Variants in RABEP1 observed in about 807,000 individuals in gnomAD.
RABEP1 encodes rab GTPase-binding effector protein 1.
In RABEP1, 51 loss-of-function variants were observed where a neutral mutation model predicts 123.4. That is an observed-to-expected ratio of 0.41 (90% confidence interval 0.33 to 0.52). RABEP1 has a LOEUF of 0.52. Ranked by LOEUF, RABEP1 falls within the 20% of genes least tolerant of loss-of-function variation. The probability of loss-of-function intolerance (pLI) is 0.16; values close to 1 mark genes in which losing one functional copy is unlikely to be tolerated. For missense variants in RABEP1, 888 were observed against 996.3 expected, an observed-to-expected ratio of 0.89 and a Z score of 1.46; for synonymous variants, 347 against 355.2, an observed-to-expected ratio of 0.98 and a Z score of 0.26.
At chr17:5,382,299 C>T (rs978230750) in intron 17 of RABEP1, among the ~76,000 whole-genome samples, 3 of 150,204 alleles carry the variant, frequency 2.0e-5, no homozygotes, top group African/African-American at 7.3e-5. Context: ...TCAGGCTGGT[C>T]TCAAACTCCT....
intron 2 of RABEP1, among the ~76,000 whole-genome samples, chr17:5,320,440 A>AG (rs2075343355): frequency 9.7e-6 from 1 of 103,252 alleles, no homozygotes; most frequent in Admixed American, 8.5e-5. Flanking sequence ...AAAAAAAAAA[A>AG]AAAAGAAAAA....
chr17:5,295,849 C>A (rs1458809545), intron 1 of RABEP1, among the ~76,000 whole-genome samples: 1 of 152,156 alleles, frequency 6.6e-6, no homozygotes, highest in East Asian at 1.9e-4. Flanking sequence ...TTTGCCACAT[C>A]ATTATTTTTT....
At chr17:5,347,659 T>C (rs1283054410) in intron 6 of RABEP1, among the ~76,000 whole-genome samples, 1 of 152,214 alleles carries the variant, frequency 6.6e-6, no homozygotes, top group African/African-American at 2.4e-5. Context: ...AGCTCAGTGA[T>C]ACAGAAATTG....
At chr17:5,341,356 CAG>C (rs897763738) in intron 5 of RABEP1, among the ~76,000 whole-genome samples, 4 of 152,016 alleles carry the variant, frequency 2.6e-5, no homozygotes, top group African/African-American at 9.7e-5. Context: ...AATTTGAAAA[CAG>C]ATGAAAAAAT....
At chr17:5,367,510 C>A (rs1002984240) in intron 11 of RABEP1, among the ~76,000 whole-genome samples, 1 of 151,580 alleles carries the variant, frequency 6.6e-6, no homozygotes, top group African/African-American at 2.4e-5. Flanking sequence ...ACTTTGTGAT[C>A]CATCCGCCTC....
intron 8 of RABEP1, among the ~76,000 whole-genome samples, chr17:5,358,078 T>C (rs958884030): frequency 1.3e-5 from 2 of 152,108 alleles, no homozygotes; most frequent in Non-Finnish European, 2.9e-5. Context: ...GAATGGTTTG[T>C]GTGTGAAAGG....
chr17:5,346,732 G>A, intron 5 of RABEP1, 58 bp from the exon 6 acceptor site: 1 of 1,371,214 alleles, frequency 7.3e-7, no homozygotes, highest in Non-Finnish European at 9.6e-7. Context: ...CCATCATTCT[G>A]TATCTAAGAT....
chr17:5,318,484 T>C (rs1225054139), intron 2 of RABEP1, among the ~76,000 whole-genome samples: 3 of 152,182 alleles, frequency 2.0e-5, no homozygotes, highest in Admixed American at 2.0e-4. Flanking sequence ...GAGACTGTAC[T>C]CTAGGTCCCA....
intron 13 of RABEP1, 86 bp from the exon 14 acceptor site, chr17:5,377,030 C>A (rs1330539312): frequency 2.2e-5 from 30 of 1,375,408 alleles, no homozygotes; most frequent in Non-Finnish European, 3.0e-5. Context: ...AAAACAACAT[C>A]TGAGATTCTG....
chr17:5,318,185 C>T (rs1174125623), intron 2 of RABEP1, among the ~76,000 whole-genome samples: 1 of 152,090 alleles, frequency 6.6e-6, no homozygotes, highest in Non-Finnish European at 1.5e-5. Context: ...GTGAGAAACA[C>T]AGGTAAAATA....
At chr17:5,357,944 C>T (rs1480773175) in intron 8 of RABEP1, among the ~76,000 whole-genome samples, 2 of 152,066 alleles carry the variant, frequency 1.3e-5, no homozygotes, top group Non-Finnish European at 2.9e-5. Context: ...TTCCAGCAGC[C>T]TTTGGGGTAT....
intron 3 of RABEP1, among the ~76,000 whole-genome samples, chr17:5,332,677 G>GTA (rs778627464): frequency 7.5e-4 from 104 of 139,470 alleles, no homozygotes; most frequent in Middle Eastern, 4.1e-3. Context: ...TCAGCTCACT[G>GTA]TACTCGCTGC....
intron 5 of RABEP1, among the ~76,000 whole-genome samples, chr17:5,345,350 C>T (rs552235125): frequency 6.6e-5 from 10 of 152,132 alleles, no homozygotes; most frequent in Non-Finnish European, 1.3e-4. Context: ...CTCCTTGTCA[C>T]CTGGCTTTTT....
rs139457480 is a variant in RABEP1 at position 5,301,415 on chromosome 17, T to A, written c.35-7279T>A. On this transcript the variant is annotated intron_variant, in intron 1 of 17. Transcript: ENST00000537505. ...CTCATAAAATGGAAATTTCTTTAAATGTAAGAAGACTATGCAAAGGATTGA... is the reference window on the plus strand; with the variant it reads ...CTCATAAAATGGAAATTTCTTTAAAAGTAAGAAGACTATGCAAAGGATTGA... 2.4e-4 allele frequency among the ~76,000 whole-genome samples: 36 copies of A among 152,284 alleles called. No individual in the cohort carries two copies. In the East Asian group the frequency reaches 6.6e-3, roughly 28 times the overall value.
chr17:5,326,197 T>G (rs940462994), intron 2 of RABEP1, among the ~76,000 whole-genome samples: 2 of 152,226 alleles, frequency 1.3e-5, no homozygotes, highest in Non-Finnish European at 2.9e-5. Flanking sequence ...ACAAATATAT[T>G]TATAACAGCT....
rs912769856 is a variant in RABEP1, at chr17:5,385,776, GAA to G, written c.*2555_*2556del. On this transcript the variant is annotated 3_prime_UTR_variant, in exon 18 of 18. Transcript: ENST00000537505. Reference sequence around the variant, plus strand: ...TGTACTGAAGGTGTGTCCTCAAGAAGAAAGTGTTCAAATTAAAAAAGCTGCTG... The same window carrying G: ...TGTACTGAAGGTGTGTCCTCAAGAAGAGTGTTCAAATTAAAAAAGCTGCTG... The G allele has an allele frequency of 2.5e-4, 58 of 234,852 alleles. No homozygotes were observed. The highest frequency in any genetic ancestry group is 1.2e-3 in the African/African-American group (53 of 45,498). The allele number at this position is 234,852 out of a possible 1,614,324, so 14.5% of individuals were successfully genotyped here.
intron 8 of RABEP1, 94 bp downstream of exon 8, chr17:5,354,584 G>T: frequency 8.4e-7 from 1 of 1,190,776 alleles, no homozygotes; most frequent in East Asian, 2.6e-5. Flanking sequence ...CATATGAGAA[G>T]TGAGAAGTGC....
chr17:5,326,644 G>C (rs1401272594), intron 2 of RABEP1, among the ~76,000 whole-genome samples: 2 of 152,164 alleles, frequency 1.3e-5, no homozygotes, highest in African/African-American at 4.8e-5. Flanking sequence ...AGTGGGTGAT[G>C]ATAGTGTGCC....
intron 1 of RABEP1, among the ~76,000 whole-genome samples, chr17:5,287,681 A>T (rs1228261398): frequency 6.8e-6 from 1 of 146,654 alleles, no homozygotes; most frequent in Non-Finnish European, 1.5e-5. Context: ...ACACTTTGGG[A>T]GGCCTAGGTG....
Sources: allele counts gnomAD v4.1 joint callset (sites outside exome capture counted in the v4.1 genomes callset), GRCh38; gene constraint gnomAD v4.1.1; transcripts MANE v1.5; gene names NCBI Gene and HGNC (gene_info 2026-07-23, HGNC 2026-07-21).